TOX: variants seen among roughly 807,000 people sequenced by gnomAD.
TOX encodes thymocyte selection-associated high mobility group box protein TOX.
In TOX, 11 loss-of-function variants were observed where a neutral mutation model predicts 53.7. The observed-to-expected ratio is 0.20, with a 90% confidence interval of 0.13 to 0.34. TOX has a LOEUF of 0.34. Among genes scored for constraint, TOX ranks in the 10% least tolerant of loss-of-function variants. The probability of loss-of-function intolerance (pLI) is 1.00; values close to 1 mark genes in which losing one functional copy is unlikely to be tolerated. For missense variants in TOX, 570 were observed against 664.6 expected (o/e 0.86, Z 1.56); for synonymous variants, 225 against 245.3 (o/e 0.92, Z 0.77).
chr8:58,810,818 C>T (rs1407769830), intron 7 of TOX, among the ~76,000 whole-genome samples: 2 of 152,018 alleles, frequency 1.3e-5, no homozygotes, highest in African/African-American at 4.8e-5. Context: ...GAGACCAACC[C>T]ACCCCCTTTC....
chr8:58,876,252 A>G (rs921490356), intron 3 of TOX, among the ~76,000 whole-genome samples: 2 of 152,126 alleles, frequency 1.3e-5, no homozygotes, highest in Non-Finnish European at 2.9e-5. Flanking sequence ...GCAATATATG[A>G]TAGAAACTGT....
chr8:58,906,118 T>C (rs1811810310), intron 3 of TOX, among the ~76,000 whole-genome samples: 1 of 152,222 alleles, frequency 6.6e-6, no homozygotes, highest in African/African-American at 2.4e-5. Context: ...TAATTTGAAG[T>C]TGATGGGGAT....
chr8:58,976,397 CTCTACT>C (rs1479497858), intron 1 of TOX, among the ~76,000 whole-genome samples: 1 of 152,212 alleles, frequency 6.6e-6, no homozygotes, highest in African/African-American at 2.4e-5. Flanking sequence ...CATGTTTAGG[CTCTACT>C]TCTAATTTTG....
At chr8:58,814,223 C>T (rs1447973019) in intron 7 of TOX, among the ~76,000 whole-genome samples, 1 of 152,084 alleles carries the variant, frequency 6.6e-6, no homozygotes, top group Non-Finnish European at 1.5e-5. Context: ...CGCTTCATCT[C>T]GATCCCAGTC....
chr8:58,986,524 G>A (rs914337232), intron 1 of TOX, among the ~76,000 whole-genome samples: 13 of 152,158 alleles, frequency 8.5e-5, no homozygotes, highest in African/African-American at 3.1e-4. Context: ...TAAGCTCAAA[G>A]AGCAATTTGA....
chr8:58,826,123 C>A (rs1440947834), intron 6 of TOX, among the ~76,000 whole-genome samples: 1 of 152,156 alleles, frequency 6.6e-6, no homozygotes, highest in Non-Finnish European at 1.5e-5. Flanking sequence ...GAAAAAAAGT[C>A]TTTCCTAAGG....
intron 1 of TOX, among the ~76,000 whole-genome samples, chr8:58,976,813 C>T (rs1813109500): frequency 6.6e-6 from 1 of 152,164 alleles, no homozygotes; most frequent in Non-Finnish European, 1.5e-5. Context: ...TGACTAGGTG[C>T]CTTGTTAGTA....
At position 58,903,687 on chromosome 8, in the gene TOX, T is replaced by C. The variant is rs557189750; in HGVS notation, c.411+35615A>G. On this transcript the variant is annotated intron_variant, in intron 3 of 8. Transcript: ENST00000361421. The stretch of plus-strand genomic sequence containing the variant: ...CTGAATTGAGGGTACATGGTAAATA[T>C]AGAATTTTTGAACAGGAGGTGACCT... Among the ~76,000 whole-genome samples, 5 of 152,308 alleles carry C rather than the reference T, an allele frequency of 3.3e-5. No homozygotes were observed. The South Asian group carries it at 1.0e-3, about 32-fold the overall frequency.
chr8:58,813,447 C>T (rs1001821554), intron 7 of TOX, among the ~76,000 whole-genome samples: 3 of 152,174 alleles, frequency 2.0e-5, no homozygotes. Flanking sequence ...CTAGGCAGCA[C>T]CCTCAAACAG....
chr8:58,921,462 A>G (rs571461994), intron 3 of TOX, among the ~76,000 whole-genome samples: 1 of 152,336 alleles, frequency 6.6e-6, no homozygotes, highest in Non-Finnish European at 1.5e-5. Flanking sequence ...GTTATACTCC[A>G]CCAGAAATAT....
intron 1 of TOX, among the ~76,000 whole-genome samples, chr8:58,982,805 A>G (rs114992530): frequency 0.042 from 6,354 of 152,184 alleles, 360 homozygotes; most frequent in African/African-American, 0.12. Context: ...CTCCTCAAAA[A>G]TATGCCCTGG....
At chr8:59,029,625 C>G (rs1814314956) in intron 1 of TOX, among the ~76,000 whole-genome samples, 1 of 152,014 alleles carries the variant, frequency 6.6e-6, no homozygotes, top group African/African-American at 2.4e-5. Flanking sequence ...TGCTGTCTCC[C>G]AAAAAGGATT....
At chr8:58,857,179 C>A (rs1257767351) in intron 3 of TOX, among the ~76,000 whole-genome samples, 1 of 152,156 alleles carries the variant, frequency 6.6e-6, no homozygotes, top group Non-Finnish European at 1.5e-5. Flanking sequence ...GCCAGCTTCA[C>A]ATAAATAGTT....
intron 1 of TOX, among the ~76,000 whole-genome samples, chr8:58,961,876 T>C (rs1336890699): frequency 6.6e-6 from 1 of 152,172 alleles, no homozygotes; most frequent in Non-Finnish European, 1.5e-5. Flanking sequence ...TCCTAACAAC[T>C]CAAGACCTAA....
chr8:58,878,656 A>G (rs531245182), intron 3 of TOX, among the ~76,000 whole-genome samples: 13 of 152,296 alleles, frequency 8.5e-5, no homozygotes, highest in Admixed American at 1.3e-4. Flanking sequence ...AATGTTCCCC[A>G]GGCTTTTCTG....
intron 1 of TOX, among the ~76,000 whole-genome samples, chr8:59,046,041 C>T (rs1055732505): frequency 7.9e-5 from 12 of 152,166 alleles, no homozygotes; most frequent in Non-Finnish European, 1.5e-4. Flanking sequence ...GAGGTGACTG[C>T]CGTCCCCTGG....
At chr8:58,846,943 T>C (rs1810728807) in intron 4 of TOX, among the ~76,000 whole-genome samples, 1 of 152,116 alleles carries the variant, frequency 6.6e-6, no homozygotes, top group Admixed American at 6.6e-5. Context: ...TTGTTACAAA[T>C]GCAGAGTGGA....
intron 1 of TOX, among the ~76,000 whole-genome samples, chr8:58,984,849 G>A (rs997826705): frequency 1.3e-5 from 2 of 149,990 alleles, no homozygotes; most frequent in African/African-American, 4.9e-5. Flanking sequence ...GGAGAAATTG[G>A]AACCCTGTGC....
At chr8:59,105,782 A>T (rs921796149) in intron 1 of TOX, among the ~76,000 whole-genome samples, 6 of 152,206 alleles carry the variant, frequency 3.9e-5, no homozygotes, top group African/African-American at 1.4e-4. Flanking sequence ...TATGCACTAA[A>T]TTTACAGCCC....
Sources: allele counts gnomAD v4.1 joint callset (sites outside exome capture counted in the v4.1 genomes callset), GRCh38; gene constraint gnomAD v4.1.1; transcripts MANE v1.5; gene names NCBI Gene and HGNC (gene_info 2026-07-23, HGNC 2026-07-21).